AP3M2: variants seen among roughly 807,000 people sequenced by gnomAD.
The protein encoded by AP3M2 is AP-3 complex subunit mu-2.
Under a neutral mutation model 41.6 loss-of-function variants are expected in AP3M2, and 28 were observed. That is an observed-to-expected ratio of 0.67 (90% CI 0.50 to 0.92). The LOEUF is 0.92. AP3M2 is among the 40% of genes least tolerant of loss of function. AP3M2 has a pLI of 0.00. For missense variants in AP3M2, 427 were observed against 521.4 expected, an observed-to-expected ratio of 0.82 and a Z score of 1.76; for synonymous variants, 193 against 186.4, an observed-to-expected ratio of 1.04 and a Z score of -0.29.
At chr8:42,167,076 C>A in intron 6 of AP3M2, 88 bp from the exon 7 acceptor site, 1 of 1,176,148 alleles carries the variant, frequency 8.5e-7, no homozygotes, top group Non-Finnish European at 1.3e-6. Context: ...AAGAAGCTAC[C>A]CACAGGGCAG....
rs1330919549 is a variant in AP3M2, at chr8:42,170,515, ATGATACTGTGCTCTGCT to A, written c.*1457_*1473del. On this transcript the variant is annotated 3_prime_UTR_variant, in exon 9 of 9. Transcript: ENST00000396926. Reference sequence around the variant, plus strand: ...AGGGTTTTTGTTTATAGCTTAAGGAATGATACTGTGCTCTGCTTGGTGCATGGAGAAAAAGGAAGACC... The same window carrying A: ...AGGGTTTTTGTTTATAGCTTAAGGAATGGTGCATGGAGAAAAAGGAAGACC... 4 of 152,228 alleles carry A rather than the reference ATGATACTGTGCTCTGCT, an allele frequency of 2.6e-5. No homozygotes were observed. The highest frequency in any genetic ancestry group is 4.4e-5 in the Non-Finnish European group (3 of 68,044). The allele number at this position is 152,228 out of a possible 1,614,324, so 9.4% of individuals were successfully genotyped here.
In AP3M2 at chr8:42,162,715, C is replaced by A. The variant is rs566496651; in HGVS notation, c.583+297C>A. Among the ~76,000 whole-genome samples the A allele has an allele frequency of 3.9e-5, 6 of 152,074 alleles. No individual in the cohort carries two copies. The South Asian group carries it at 1.2e-3, about 32-fold the overall frequency. ...ATCCCAGCACTTTGGAAAGCTGAGG[C>A]GGGAGGATTGCTTGAGCCCAGGAGT... On this transcript the variant is annotated intron_variant, in intron 4 of 8. Transcript: ENST00000396926.
intron 3 of AP3M2, 143 bp downstream of exon 3, chr8:42,158,255 T>G: frequency 1.2e-6 from 1 of 851,108 alleles, no homozygotes; most frequent in Non-Finnish European, 1.7e-6. Context: ...TAGTTGTTTT[T>G]TTTTTTTTTT....
chr8:42,163,805 T>G (rs1301495799), intron 4 of AP3M2, among the ~76,000 whole-genome samples: 1 of 152,224 alleles, frequency 6.6e-6, no homozygotes, highest in Non-Finnish European at 1.5e-5. Context: ...AGTATTTGCA[T>G]AAATGTATAT....
In AP3M2 at chr8:42,158,664, A is replaced by G. The variant is rs559738015; in HGVS notation, c.445+552A>G. Among the ~76,000 whole-genome samples, 5 of 152,334 alleles carry G rather than the reference A, an allele frequency of 3.3e-5. No homozygotes were observed. The South Asian group carries it at 8.3e-4, about 25-fold the overall frequency. Reference sequence around the variant, plus strand: ...ATATTTTTTTCTGATTACAGAAGAAACACATGATTATTGTAGAAACTTCAG... The same window carrying G: ...ATATTTTTTTCTGATTACAGAAGAAGCACATGATTATTGTAGAAACTTCAG... On this transcript the variant is annotated intron_variant, in intron 3 of 8. Transcript: ENST00000396926.
At position 42,165,530 on chromosome 8, in the gene AP3M2, G is replaced by T; in HGVS notation, c.773G>T (p.Arg258Leu). 2 of 1,614,038 alleles carry T rather than the reference G, an allele frequency of 1.2e-6. No homozygotes were observed. Among genetic ancestry groups the T allele is most frequent in the Admixed American group, 1.7e-5 (1 of 60,018 alleles). ...TTCATCCCTCCTGATGGAAACTTCC[G>T]CCTGCTGTCTTACCATGTCAGTGCA... ...LSFIPPDGNF[R>L]LLSYHVSAQN... The change falls in exon 6 of 9, where the codon CGC (arginine) becomes CTC (leucine). Residue 258 changes from arginine to leucine, a missense_variant. Coordinates refer to ENST00000396926, the MANE Select transcript of AP3M2 (RefSeq NM_006803.4).
rs200545949 is a variant in AP3M2 at position 42,154,695 on chromosome 8, A to G, written c.8A>G (p.His3Arg). The G allele has an allele frequency of 6.8e-6, 11 of 1,614,002 alleles. No homozygotes were observed. The highest frequency in any genetic ancestry group is 9.3e-6 in the Non-Finnish European group (11 of 1,179,970). ...TCACTGACAATCGCCACCATGATCCATAGTCTTTTCTTGATCAACTCCTCT... is the reference window on the plus strand; with the variant it reads ...TCACTGACAATCGCCACCATGATCCGTAGTCTTTTCTTGATCAACTCCTCT... MIHSLFLINSSGD... is the reference protein window; with the variant it reads MIRSLFLINSSGD... Residue 3 changes from histidine to arginine, a missense_variant, in exon 2 of 9, where the codon CAT becomes CGT. Physicochemically the swap from His to Arg is conservative, Grantham distance 29. Transcript: ENST00000396926.
At chr8:42,158,797 CTT>C (rs749431364) in intron 3 of AP3M2, among the ~76,000 whole-genome samples, 22 of 141,614 alleles carry the variant, frequency 1.6e-4, no homozygotes, top group Non-Finnish European at 1.2e-4. Flanking sequence ...CTACATGGTT[CTT>C]TTTTTTTTTT....
chr8:42,165,416 G>A lies in AP3M2; in HGVS notation c.670-11G>A. The stretch of plus-strand genomic sequence containing the variant: ...GCCCACTTCTTGCTTCTCCTCTCCT[G>A]ATGACTGTAGAACCCTAGGTTGTTG... On this transcript the variant is annotated splice_polypyrimidine_tract_variant and intron_variant, in intron 5 of 8. Coordinates refer to ENST00000396926, the MANE Select transcript of AP3M2 (RefSeq NM_006803.4). The A allele has an allele frequency of 6.2e-7, 1 of 1,613,586 alleles. No individual in the cohort carries two copies. Among genetic ancestry groups the A allele is most frequent in the Non-Finnish European group, 8.5e-7 (1 of 1,179,822 alleles).
chr8:42,167,931 T>G (rs1432347359), intron 8 of AP3M2, 121 bp downstream of exon 8: 1 of 1,231,900 alleles, frequency 8.1e-7, no homozygotes, highest in South Asian at 1.5e-5. Flanking sequence ...CATTACCTGA[T>G]AAACAATCTT....
At chr8:42,160,291 G>A (rs1349623746) in intron 3 of AP3M2, among the ~76,000 whole-genome samples, 3 of 152,172 alleles carry the variant, frequency 2.0e-5, no homozygotes, top group African/African-American at 4.8e-5. Flanking sequence ...TTAAAATTTG[G>A]TATTTGTCTG....
intron 5 of AP3M2, 33 bp downstream of exon 5, chr8:42,165,189 G>A: frequency 6.3e-7 from 1 of 1,592,604 alleles, no homozygotes; most frequent in Non-Finnish European, 8.6e-7. Flanking sequence ...AAGTTCTTGG[G>A]ATGAGAAATT....
At chr8:42,153,358 C>G (rs1028936886) in intron 1 of AP3M2, 1 of 152,186 alleles carries the variant, frequency 6.6e-6, no homozygotes, top group Non-Finnish European at 1.5e-5. Flanking sequence ...CGCTCTTCAC[C>G]CCGGAACGCG....
chr8:42,162,193 T>TAC (rs1444567018), intron 3 of AP3M2, 88 bp from the exon 4 acceptor site: 16 of 1,319,704 alleles, frequency 1.2e-5, no homozygotes, highest in Admixed American at 2.5e-5. Flanking sequence ...AGTGCATGAA[T>TAC]AGTGGGAGCA....
At chr8:42,167,862 G>A (rs1564119634) in intron 8 of AP3M2, 52 bp downstream of exon 8, 1 of 1,562,332 alleles carries the variant, frequency 6.4e-7, no homozygotes, top group Non-Finnish European at 8.6e-7. Context: ...ACGGCTTTCT[G>A]CCATATGGCG....
rs144179051 is a variant in AP3M2 at position 42,167,242 on chromosome 8, G to A, written c.882G>A (p.Thr294=). The change falls in exon 7 of 9, where the codon ACG becomes ACA. Residue 294 remains threonine (T), a synonymous_variant. Transcript: ENST00000396926. ...GTTCCCTTGGACGCTTTGAAATAAC[G>A]GTGGGACCCAAGCAGACGATGGGGA... ...DSSSLGRFEI[T]VGPKQTMGKT... The A allele has an allele frequency of 5.8e-5, 93 of 1,614,050 alleles. No homozygotes were observed. The African/African-American group carries it at 9.9e-4, about 17-fold the overall frequency.
rs1421602478 is a variant in AP3M2 at position 42,165,567 on chromosome 8, A to C, written c.803+7A>C. The C allele has an allele frequency of 3.7e-6, 6 of 1,613,610 alleles. No homozygotes were observed. The highest frequency in any genetic ancestry group is 2.2e-5 in the South Asian group (2 of 91,006). On this transcript the variant is annotated splice_region_variant and intron_variant, in intron 6 of 8. Coordinates refer to ENST00000396926, the MANE Select transcript of AP3M2 (RefSeq NM_006803.4). ...ACCATGTCAGTGCACAGAAGTAAGC[A>C]GCTCTTATAATTAAGAATGGAATCC... is the stretch of plus-strand genomic sequence containing the variant.
intron 1 of AP3M2, chr8:42,154,096 A>G (rs1438846369): frequency 6.6e-6 from 1 of 152,158 alleles, no homozygotes; most frequent in African/African-American, 2.4e-5. Flanking sequence ...TTTTCATGCA[A>G]AGCCTTTCAG....
intron 3 of AP3M2, among the ~76,000 whole-genome samples, chr8:42,160,016 A>G (rs1050897775): frequency 6.6e-6 from 1 of 152,180 alleles, no homozygotes; most frequent in African/African-American, 2.4e-5. Flanking sequence ...GAAAGATAAA[A>G]TGTGTCCTAC....
Sources: gnomAD v4.1 joint callset for allele counts (sites outside exome capture counted in the v4.1 genomes callset) on GRCh38, gnomAD v4.1.1 for gene constraint, MANE v1.5 for transcripts, NCBI Gene and HGNC (gene_info 2026-07-23, HGNC 2026-07-21) for gene names.